Variants in FAM13A observed in about 807,000 individuals in gnomAD.
The protein encoded by FAM13A is family with sequence similarity 13 member A, also known as protein FAM13A.
Under a neutral mutation model 129.6 loss-of-function variants are expected in FAM13A, and 76 were observed. The observed-to-expected ratio is 0.59, with a 90% CI of 0.49 to 0.71. The LOEUF (loss-of-function observed/expected upper bound fraction) is 0.71, where lower values mean the gene tolerates loss of function less well. Among genes scored for constraint, FAM13A ranks in the 30% least tolerant of loss-of-function variants. The probability of loss-of-function intolerance (pLI) is 0.00; values close to 1 mark genes in which losing one functional copy is unlikely to be tolerated. For missense variants in FAM13A, 1,108 were observed against 1,249.3 expected, an observed-to-expected ratio of 0.89 and a Z score of 1.70; for synonymous variants, 443 against 449.9, an observed-to-expected ratio of 0.98 and a Z score of 0.20.
At chr4:88,777,213 G>A (rs1300798510) in intron 11 of FAM13A, among the ~76,000 whole-genome samples, 3 of 152,130 alleles carry the variant, frequency 2.0e-5, no homozygotes. Flanking sequence ...CAGGTAGGCT[G>A]GGAGATGGAT....
intron 21 of FAM13A, among the ~76,000 whole-genome samples, chr4:88,732,982 G>T (rs552236093): frequency 6.6e-6 from 1 of 152,196 alleles, no homozygotes; most frequent in South Asian, 2.1e-4. Context: ...GAGTGTGAAA[G>T]ATTTCAAAAC....
chr4:89,009,803 G>A (rs1202100927), intron 3 of FAM13A, among the ~76,000 whole-genome samples: 1 of 152,230 alleles, frequency 6.6e-6, no homozygotes, highest in Non-Finnish European at 1.5e-5. Context: ...GAAGACCAAA[G>A]GAGTCCTAGT....
chr4:88,821,522 A>G (rs1731906225), intron 7 of FAM13A, among the ~76,000 whole-genome samples: 1 of 152,216 alleles, frequency 6.6e-6, no homozygotes, highest in Admixed American at 6.5e-5. Context: ...AACAGTATAA[A>G]GATCTATTTT....
At chr4:88,963,024 A>G (rs941855778) in intron 4 of FAM13A, among the ~76,000 whole-genome samples, 6 of 152,218 alleles carry the variant, frequency 3.9e-5, no homozygotes, top group Admixed American at 3.3e-4. Flanking sequence ...AAAAATATCA[A>G]TGGGTCACTA....
chr4:89,035,719 G>C (rs1351900082), intron 1 of FAM13A, among the ~76,000 whole-genome samples: 1 of 152,028 alleles, frequency 6.6e-6, no homozygotes, highest in Non-Finnish European at 1.5e-5. Flanking sequence ...CACAAGATCG[G>C]GTTGTTTAAA....
intron 7 of FAM13A, among the ~76,000 whole-genome samples, chr4:88,834,535 ACAT>A (rs1161736210): frequency 6.6e-6 from 1 of 152,190 alleles, no homozygotes; most frequent in Admixed American, 6.5e-5. Context: ...GCATATCAAA[ACAT>A]CATATTTTAC....
chr4:88,945,984 G>GTA (rs1755689700), intron 4 of FAM13A, among the ~76,000 whole-genome samples: 1 of 25,884 alleles, frequency 3.9e-5, no homozygotes, highest in African/African-American at 1.8e-4. Flanking sequence ...GTGTGTGTGT[G>GTA]TGTGTGTATA....
intron 4 of FAM13A, among the ~76,000 whole-genome samples, chr4:88,970,931 G>A (rs114426325): frequency 0.052 from 7,985 of 152,264 alleles, 324 homozygotes; most frequent in South Asian, 0.24. Flanking sequence ...GAAGTTGGCC[G>A]GGTGCAGTGG....
At position 88,925,094 on chromosome 4, in the gene FAM13A, T is replaced by G. The variant is rs538231510; in HGVS notation, c.759+12994A>C. 2.3e-3 allele frequency among the ~76,000 whole-genome samples: 353 copies of G among 151,044 alleles called. 1 individual carries two copies. The highest frequency in any genetic ancestry group is 8.1e-3 in the African/African-American group (335 of 41,158). On this transcript the variant is annotated intron_variant, in intron 5 of 23. Coordinates refer to ENST00000264344, the MANE Select transcript of FAM13A (RefSeq NM_014883.4). ...GGATGTGGAGAAATAGGAACACTTT[T>G]ACACTGTTGGTGGGACTGTAAACTA...
intron 3 of FAM13A, among the ~76,000 whole-genome samples, chr4:89,014,993 G>A (rs1766270201): frequency 6.6e-6 from 1 of 152,152 alleles, no homozygotes; most frequent in Non-Finnish European, 1.5e-5. Context: ...TCTCAGCAAG[G>A]AACAGCCCTG....
chr4:88,946,312 T>G (rs1179912115), intron 4 of FAM13A, among the ~76,000 whole-genome samples: 1 of 151,330 alleles, frequency 6.6e-6, no homozygotes, highest in Non-Finnish European at 1.5e-5. Flanking sequence ...CTCTGTCCGG[T>G]GTGCTCTTGT....
At chr4:88,888,223 C>A (rs1744760118) in intron 6 of FAM13A, among the ~76,000 whole-genome samples, 1 of 152,174 alleles carries the variant, frequency 6.6e-6, no homozygotes, top group Admixed American at 6.5e-5. Flanking sequence ...TCCATGAAGC[C>A]AGCTCTAATC....
intron 5 of FAM13A, among the ~76,000 whole-genome samples, chr4:88,921,206 C>A (rs1365971847): frequency 2.6e-5 from 4 of 151,844 alleles, no homozygotes; most frequent in African/African-American, 9.7e-5. Context: ...GAGAACGCCA[C>A]AAAGATACTC....
At chr4:89,007,416 G>A (rs532475358) in intron 3 of FAM13A, among the ~76,000 whole-genome samples, 2 of 152,196 alleles carry the variant, frequency 1.3e-5, no homozygotes, top group African/African-American at 4.8e-5. Flanking sequence ...CACCAAGACC[G>A]AGCATTAAAT....
chr4:88,804,786 T>A (rs574220144), intron 8 of FAM13A, among the ~76,000 whole-genome samples: 1 of 152,268 alleles, frequency 6.6e-6, no homozygotes, highest in East Asian at 1.9e-4. Flanking sequence ...CTTTTGAATT[T>A]AAAACAAAAT....
intron 1 of FAM13A, among the ~76,000 whole-genome samples, chr4:89,035,072 C>T (rs76680047): frequency 1.6e-3 from 243 of 152,230 alleles, no homozygotes; most frequent in African/African-American, 5.6e-3. Context: ...ATCATGTCCT[C>T]TGGACATGGA....
At chr4:89,043,548 T>C (rs1465528063) in intron 1 of FAM13A, among the ~76,000 whole-genome samples, 2 of 151,740 alleles carry the variant, frequency 1.3e-5, no homozygotes, top group Non-Finnish European at 2.9e-5. Context: ...TCAGGATGAG[T>C]AGGAAAAAAG....
rs147752957 is a variant in FAM13A, at chr4:88,830,456, G to C, written c.1007+20564C>G. Among the ~76,000 whole-genome samples the C allele has an allele frequency of 2.7e-3, 405 of 152,240 alleles. 3 individuals are homozygous for C. Among genetic ancestry groups the C allele is most frequent in the African/African-American group, 9.0e-3 (375 of 41,546 alleles). ...GAGTAACAGTGAAATAAATATGCTT[G>C]CATTACTGAAGGCCAAAATAAAAAC... is the stretch of plus-strand genomic sequence containing the variant. On this transcript the variant is annotated intron_variant, in intron 7 of 23. Coordinates refer to ENST00000264344, the MANE Select transcript of FAM13A (RefSeq NM_014883.4).
Position 88,976,273 on chromosome 4 carries a change from T to C in FAM13A, c.605+14700A>G, listed in dbSNP as rs148815086. ...ACCATTAACTGCCAGGCAGATGTTA[T>C]TGCTTAATCACTGCATTCTCACAGA... On this transcript the variant is annotated intron_variant, in intron 4 of 23. Coordinates refer to ENST00000264344, the MANE Select transcript of FAM13A (RefSeq NM_014883.4). Among the ~76,000 whole-genome samples, 165 of 152,318 alleles carry C rather than the reference T, an allele frequency of 1.1e-3. No homozygotes were observed. In the East Asian group the frequency reaches 0.024, roughly 22 times the overall value.
Sources: allele counts gnomAD v4.1 joint callset (sites outside exome capture counted in the v4.1 genomes callset), GRCh38; gene constraint gnomAD v4.1.1; transcripts MANE v1.5; gene names NCBI Gene and HGNC (gene_info 2026-07-23, HGNC 2026-07-21).